Variants in DOK7 observed in about 807,000 individuals in gnomAD.
The protein encoded by DOK7 is docking protein 7.
A neutral mutation model predicts 30.7 loss-of-function variants in DOK7; 32 were observed. The ratio of observed to expected loss-of-function variants is 1.04; its 90% CI spans 0.79 to 1.40. DOK7 has a LOEUF of 1.40. DOK7 is among the 40% of genes most tolerant of loss of function. The pLI is 0.00. For missense variants in DOK7, 1,007 were observed against 699.2 expected, an observed-to-expected ratio of 1.44 and a Z score of -4.97; for synonymous variants, 447 against 324.1, an observed-to-expected ratio of 1.38 and a Z score of -4.07.
chr4:3,493,306 C>A lies in DOK7; in HGVS notation c.1320C>A (p.Ala440=). Residue 440 remains alanine, a synonymous_variant, in exon 7 of 7, where the codon GCC becomes GCA. Coordinates refer to ENST00000340083, the MANE Select transcript of DOK7 (RefSeq NM_173660.5). ...AARDSGGQTS[A]GCPSGWLGTR... ...GGGACTCAGGCGGCCAGACGTCCGC[C>A]GGGTGTCCCTCTGGCTGGCTGGGCA... 1.2e-6 allele frequency: 2 copies of A among 1,606,180 alleles called. No homozygotes were observed. Among genetic ancestry groups the A allele is most frequent in the Middle Eastern group, 1.7e-4 (1 of 6,040 alleles).
Position 3,493,383 on chromosome 4 carries a change from T to C in DOK7, c.1397T>C (p.Leu466Pro). ...MEAPQGSEAT[L>P]PGPAPGEPWE... ...GCCCCCCAGGGCAGCGAGGCCACAC[T>C]GCCTGGCCCTGCCCCTGGCGAGCCC... Residue 466 changes from leucine to proline, a missense_variant, in exon 7 of 7, where the codon CTG (leucine) becomes CCG (proline). By Grantham distance (98) the Leu-to-Pro change is moderately conservative. Transcript: ENST00000340083. The C allele has an allele frequency of 1.3e-6, 2 of 1,593,502 alleles. No individual in the cohort carries two copies. Among genetic ancestry groups the C allele is most frequent in the Non-Finnish European group, 1.7e-6 (2 of 1,170,456 alleles).
At chr4:3,500,161 A>G in intron 6 of DOK7, 1 of 1,439,592 alleles carries the variant, frequency 6.9e-7, no homozygotes, top group Non-Finnish European at 9.3e-7. Flanking sequence ...AGGAGGGGCT[A>G]GGCAGGGTGG....
chr4:3,481,980 T>G (rs1261245678), intron 4 of DOK7, among the ~76,000 whole-genome samples: 1 of 152,068 alleles, frequency 6.6e-6, no homozygotes, highest in Non-Finnish European at 1.5e-5. Flanking sequence ...GGCGCCGCCC[T>G]GAGCCCCGCA....
intron 6 of DOK7, among the ~76,000 whole-genome samples, chr4:3,490,064 C>G (rs910458812): frequency 1.5e-5 from 1 of 67,482 alleles, no homozygotes; most frequent in Non-Finnish European, 2.9e-5. Context: ...ATTCCTTCCT[C>G]CCCCCATTCC....
chr4:3,467,641 T>C (rs1726381837), intron 2 of DOK7, among the ~76,000 whole-genome samples: 1 of 151,964 alleles, frequency 6.6e-6, no homozygotes, highest in African/African-American at 2.4e-5. Context: ...AGTGTGAGCA[T>C]TTGGGTGAGT....
At chr4:3,490,504 TGCTCATTCTTTCC>T (rs1728256395) in intron 6 of DOK7, among the ~76,000 whole-genome samples, 1 of 113,578 alleles carries the variant, frequency 8.8e-6, no homozygotes, top group Non-Finnish European at 1.8e-5. Context: ...CTTTTCCCCC[TGCTCATTCTTTCC>T]TTCACCCCCC....
chr4:3,476,029 G>A (rs1044371263), intron 3 of DOK7, among the ~76,000 whole-genome samples: 5 of 151,982 alleles, frequency 3.3e-5, no homozygotes, highest in African/African-American at 1.2e-4. Context: ...ACACCTGGGC[G>A]GCTGCCCCCA....
rs1317707032 is a variant in DOK7 at position 3,485,577 on chromosome 4, C to G, written c.571C>G (p.Gln191Glu). Residue 191 changes from glutamine (Q) to glutamate (E), a missense_variant, in exon 5 of 7, where the codon CAG becomes GAG. Transcript: ENST00000340083. ...VFFLSSAEGE[Q>E]ISFLFDCIVR... ...CTTCCTGTCCTCGGCCGAGGGGGAG[C>G]AGATCAGCTTCCTGTTCGACTGCAT... 7 of 1,607,410 alleles carry G rather than the reference C, an allele frequency of 4.4e-6. No individual in the cohort carries two copies. The South Asian group carries it at 6.7e-5, about 15-fold the overall frequency.
At chr4:3,484,690 G>C in intron 4 of DOK7, 1 of 985,560 alleles carries the variant, frequency 1.0e-6, no homozygotes, top group Non-Finnish European at 1.2e-6. Context: ...TGCTGCTGTG[G>C]GGGTGCAGGG....
intron 2 of DOK7, among the ~76,000 whole-genome samples, chr4:3,466,691 A>G (rs1726307628): frequency 6.6e-6 from 1 of 152,178 alleles, no homozygotes; most frequent in African/African-American, 2.4e-5. Flanking sequence ...ATGTGGGAGC[A>G]GTGACCTGGG....
intron 6 of DOK7, among the ~76,000 whole-genome samples, chr4:3,490,478 G>GCACA (rs1468469818): frequency 1.3e-4 from 14 of 108,360 alleles, no homozygotes; most frequent in Non-Finnish European, 2.3e-4. Flanking sequence ...TTCTCCCTCT[G>GCACA]CTCATTCATT....
chr4:3,469,149 GTGTA>G (rs1726588432), intron 2 of DOK7, among the ~76,000 whole-genome samples: 1 of 150,670 alleles, frequency 6.6e-6, no homozygotes, highest in Non-Finnish European at 1.5e-5. Context: ...GTATGTGTCT[GTGTA>G]TGAGTGTGCA....
rs185050737 is a variant in DOK7 at position 3,492,994 on chromosome 4, G to T, written c.1008G>T (p.Ser336=). The T allele has an allele frequency of 3.8e-6, 6 of 1,559,344 alleles. No homozygotes were observed. Among genetic ancestry groups the T allele is most frequent in the East Asian group, 2.4e-5 (1 of 42,298 alleles). The change falls in exon 7 of 7, where the codon TCG becomes TCT. Residue 336 remains serine (S), a synonymous_variant. Coordinates refer to ENST00000340083, the MANE Select transcript of DOK7 (RefSeq NM_173660.5). ...AGGAGGTTGGCCGCCAGAGCTCCTC[G>T]GACAGCGGCATCGCCACTGGCAGCC... ...QLQEVGRQSS[S]DSGIATGSHS... is the part of the protein sequence containing the mutation.
intron 4 of DOK7, among the ~76,000 whole-genome samples, chr4:3,483,341 G>T (rs1308012799): frequency 7.0e-6 from 1 of 142,270 alleles, no homozygotes; most frequent in Non-Finnish European, 1.6e-5. Context: ...GGGCTGGGTG[G>T]GAGCGGGGGT....
intron 4 of DOK7, among the ~76,000 whole-genome samples, chr4:3,478,592 G>GAC: frequency 6.9e-6 from 1 of 145,962 alleles, no homozygotes; most frequent in East Asian, 2.0e-4. Context: ...ACCCGCAAAC[G>GAC]GGGGCTGGCC....
intron 4 of DOK7, among the ~76,000 whole-genome samples, chr4:3,483,465 A>G (rs1398928179): frequency 6.6e-6 from 1 of 152,088 alleles, no homozygotes; most frequent in African/African-American, 2.4e-5. Context: ...CTCCAGGGCC[A>G]CTGATGTCAG....
chr4:3,497,233 G>T (rs191731218), downstream of DOK7, among the ~76,000 whole-genome samples: 23 of 152,206 alleles, frequency 1.5e-4, no homozygotes, highest in Admixed American at 1.4e-3. Context: ...TTCCTGGGAG[G>T]GGGCATGGCA....
intron 2 of DOK7, among the ~76,000 whole-genome samples, chr4:3,468,447 TGTG>T (rs1726466359): frequency 3.3e-5 from 5 of 151,284 alleles, no homozygotes; most frequent in South Asian, 2.1e-4. Flanking sequence ...TGTACGAGTG[TGTG>T]CCTGTGTGTG....
intron 5 of DOK7, among the ~76,000 whole-genome samples, chr4:3,489,155 C>A (rs1288373122): frequency 1.3e-5 from 2 of 152,124 alleles, no homozygotes; most frequent in Admixed American, 1.3e-4. Flanking sequence ...GGTCCGCAGA[C>A]CACCATGCTC....
Sources: gnomAD v4.1 joint callset for allele counts (sites outside exome capture counted in the v4.1 genomes callset) on GRCh38, gnomAD v4.1.1 for gene constraint, MANE v1.5 for transcripts, NCBI Gene and HGNC (gene_info 2026-07-23, HGNC 2026-07-21) for gene names.